GINS3: variants seen among roughly 807,000 people sequenced by gnomAD.
GINS3 encodes the protein GINS complex subunit 3, also known as DNA replication complex GINS protein PSF3.
A neutral mutation model predicts 20.0 loss-of-function variants in GINS3; 18 were observed. The ratio of observed to expected loss-of-function variants is 0.90; its 90% CI spans 0.62 to 1.33. The LOEUF is 1.33. Among genes scored for constraint, GINS3 ranks in the 40% most tolerant of loss-of-function variants. GINS3 has a pLI of 0.00. For synonymous variants in GINS3, 109 were observed against 107.0 expected, an observed-to-expected ratio of 1.02 and a Z score of -0.12; for missense variants, 254 against 273.6, an observed-to-expected ratio of 0.93 and a Z score of 0.51.
chr16:58,397,479 G>C (rs558791283), intron 1 of GINS3, among the ~76,000 whole-genome samples: 2 of 151,970 alleles, frequency 1.3e-5, no homozygotes, highest in South Asian at 2.1e-4. Flanking sequence ...AGGTTGTATC[G>C]AGCCGAGATC....
In GINS3 at chr16:58,396,373, G is replaced by A. The variant is rs796981250; in HGVS notation, c.186+3586G>A. On this transcript the variant is annotated intron_variant, in intron 1 of 2. Transcript: ENST00000318129. The stretch of plus-strand genomic sequence containing the variant: ...GCGCCCCTCACCTCCCGGATGGGGC[G>A]GCTGGCCGGGCAGGGGGCTGACCCC... Among the ~76,000 whole-genome samples, 9 of 127,240 alleles carry A rather than the reference G, an allele frequency of 7.1e-5. No individual in the cohort carries two copies. The East Asian group carries it at 1.8e-3, about 25-fold the overall frequency. 83.5% of individuals were successfully genotyped at this position (127,240 alleles called of 152,430 possible).
chr16:58,396,932 C>T (rs1175743047), intron 1 of GINS3, among the ~76,000 whole-genome samples: 9 of 149,830 alleles, frequency 6.0e-5, no homozygotes, highest in Non-Finnish European at 1.0e-4. Flanking sequence ...GCTGGCCGGG[C>T]AGAGGTGCTC....
In GINS3 at chr16:58,397,772, G is replaced by C. The variant is rs1045313139; in HGVS notation, c.186+4985G>C. On this transcript the variant is annotated intron_variant, in intron 1 of 2. Transcript: ENST00000318129. Reference sequence around the variant, plus strand: ...GATGGCAGCAGTACAGTCCAGCTTCGGCTCGGCATCAGAGGGAGACCGTGG... The same window carrying C: ...GATGGCAGCAGTACAGTCCAGCTTCCGCTCGGCATCAGAGGGAGACCGTGG... Among the ~76,000 whole-genome samples, 6 of 151,944 alleles carry C rather than the reference G, an allele frequency of 3.9e-5. No homozygotes were observed. In the East Asian group the frequency reaches 7.7e-4, roughly 19 times the overall value.
chr16:58,396,403 C>T (rs572330070), intron 1 of GINS3, among the ~76,000 whole-genome samples: 12 of 123,998 alleles, frequency 9.7e-5, no homozygotes, highest in African/African-American at 2.0e-4. Flanking sequence ...GACCCCCCCA[C>T]CTCCCTCCCG....
chr16:58,404,428 G>A, intron 2 of GINS3, 71 bp from the exon 3 acceptor site: 3 of 975,130 alleles, frequency 3.1e-6, no homozygotes, highest in Non-Finnish European at 4.9e-6. Flanking sequence ...TAAATGTTCT[G>A]AGATAAAAAT....
intron 1 of GINS3, among the ~76,000 whole-genome samples, chr16:58,396,201 G>C (rs1436926325): frequency 1.6e-5 from 2 of 129,000 alleles, no homozygotes; most frequent in Admixed American, 7.2e-5. Context: ...TCACTTACCA[G>C]TAGGGGCGGC....
At position 58,392,557 on chromosome 16, in the gene GINS3, C is replaced by T. The variant is rs1417520203; in HGVS notation, c.-45C>T. ...TTGTACACCCCTAACTCCTGAGGCT[C>T]CTCCGAATCACGCGAGTGGAAGCGG... On this transcript the variant is annotated 5_prime_UTR_variant, in exon 1 of 3. Transcript: ENST00000318129. 6.2e-7 allele frequency: 1 copy of T among 1,602,584 alleles called. No homozygotes were observed. The highest frequency in any genetic ancestry group is 8.5e-7 in the Non-Finnish European group (1 of 1,171,658).
intron 1 of GINS3, among the ~76,000 whole-genome samples, chr16:58,397,059 C>CG (rs1379331449): frequency 4.0e-5 from 6 of 148,502 alleles, no homozygotes; most frequent in African/African-American, 1.3e-4. Context: ...GCTGGCCGGG[C>CG]GGGGGGCTGA....
Position 58,392,850 on chromosome 16 carries a change from C to G in GINS3, c.186+63C>G, listed in dbSNP as rs1965802646. ...GCAGCTCCCGGCGGGCCCCTCGGCC[C>G]TGGGACGCCGCATCGGGGCGCGCTG... is the stretch of plus-strand genomic sequence containing the variant. On this transcript the variant is annotated intron_variant, in intron 1 of 2. Transcript: ENST00000318129. The G allele has an allele frequency of 1.0e-5, 15 of 1,459,694 alleles. 1 individual carries two copies. In the South Asian group the frequency reaches 2.0e-4, roughly 19 times the overall value. The allele number at this position is 1,459,694 out of a possible 1,614,324, so 90.4% of individuals were successfully genotyped here.
chr16:58,399,520 A>G (rs1357538444), intron 1 of GINS3, among the ~76,000 whole-genome samples: 2 of 151,922 alleles, frequency 1.3e-5, no homozygotes, highest in Non-Finnish European at 2.9e-5. Flanking sequence ...CTTCATATTT[A>G]AGGTATGTCT....
At chr16:58,403,549 C>T (rs985278818) in intron 2 of GINS3, 2 of 525,082 alleles carry the variant, frequency 3.8e-6, no homozygotes. Flanking sequence ...GTCTGCCACT[C>T]CTCATATTTG....
At chr16:58,403,042 A>G in intron 1 of GINS3, 56 bp from the exon 2 acceptor site, 2 of 1,410,288 alleles carry the variant, frequency 1.4e-6, no homozygotes, top group Non-Finnish European at 2.0e-6. Context: ...TTTTCGTCAC[A>G]CACATTTGCT....
At position 58,404,922 on chromosome 16, in the gene GINS3, C is replaced by T. The variant is rs757187254; in HGVS notation, c.*193C>T. On this transcript the variant is annotated 3_prime_UTR_variant, in exon 3 of 3. Transcript: ENST00000318129. ...CCTGGCTCTGTGAGTCTTCCAGGAC[C>T]GTCCCACCCTGCTGACCCACAGCCC... 8 of 582,658 alleles carry T rather than the reference C, an allele frequency of 1.4e-5. No homozygotes were observed. The highest frequency in any genetic ancestry group is 4.6e-4 in the Middle Eastern group (1 of 2,194). 36.1% of individuals were successfully genotyped at this position (582,658 alleles called of 1,614,324 possible).
At chr16:58,397,800 A>G (rs1362699339) in intron 1 of GINS3, among the ~76,000 whole-genome samples, 2 of 151,824 alleles carry the variant, frequency 1.3e-5, no homozygotes, top group Non-Finnish European at 2.9e-5. Flanking sequence ...GACCGTGGAA[A>G]GAGAGGGAGA....
intron 1 of GINS3, among the ~76,000 whole-genome samples, chr16:58,393,946 T>C (rs1450619021): frequency 6.6e-6 from 1 of 152,140 alleles, no homozygotes; most frequent in Non-Finnish European, 1.5e-5. Context: ...TGTACCTTTT[T>C]TAGTGGTGTC....
intron 1 of GINS3, among the ~76,000 whole-genome samples, chr16:58,398,563 T>A (rs1025711168): frequency 6.6e-6 from 1 of 152,192 alleles, no homozygotes; most frequent in African/African-American, 2.4e-5. Flanking sequence ...TGAGCCGTGA[T>A]CACACCACTG....
At chr16:58,403,461 AC>A in intron 2 of GINS3, 130 bp downstream of exon 2, 1 of 648,218 alleles carries the variant, frequency 1.5e-6, no homozygotes, top group Non-Finnish European at 2.7e-6. Flanking sequence ...GCCTACAGTT[AC>A]ACTGTCTGTC....
intron 1 of GINS3, among the ~76,000 whole-genome samples, chr16:58,397,732 G>T (rs1033261564): frequency 1.2e-4 from 19 of 152,148 alleles, no homozygotes; most frequent in African/African-American, 4.6e-4. Flanking sequence ...AGGCAGGGAG[G>T]TTGCAGTGAG....
At position 58,397,562 on chromosome 16, in the gene GINS3, C is replaced by T. The variant is rs187702639; in HGVS notation, c.186+4775C>T. 1.3e-3 allele frequency among the ~76,000 whole-genome samples: 193 copies of T among 152,242 alleles called. 1 individual carries two copies. The highest frequency in any genetic ancestry group is 1.5e-3 in the Non-Finnish European group (105 of 68,012). On this transcript the variant is annotated intron_variant, in intron 1 of 2. Coordinates refer to ENST00000318129, the MANE Select transcript of GINS3 (RefSeq NM_022770.4). ...GACTCCGTCTGCCATCCCGGCACCTCGGGAGGCTGAGGCTGGCGGATCACT... is the reference window on the plus strand; with the variant it reads ...GACTCCGTCTGCCATCCCGGCACCTTGGGAGGCTGAGGCTGGCGGATCACT...
Sources: gnomAD v4.1 joint callset for allele counts (sites outside exome capture counted in the v4.1 genomes callset) on GRCh38, gnomAD v4.1.1 for gene constraint, MANE v1.5 for transcripts, NCBI Gene and HGNC (gene_info 2026-07-23, HGNC 2026-07-21) for gene names.